HPSE2: variants seen among roughly 807,000 people sequenced by gnomAD.
HPSE2 encodes heparanase 2 (inactive).
A neutral mutation model predicts 60.5 loss-of-function variants in HPSE2; 38 were observed. The ratio of observed to expected loss-of-function variants is 0.63; its 90% CI spans 0.48 to 0.82. The LOEUF is 0.82. Ranked by LOEUF, HPSE2 falls within the 40% of genes least tolerant of loss-of-function variation. HPSE2 has a pLI of 0.00. For missense variants in HPSE2, 713 were observed against 740.4 expected, an observed-to-expected ratio of 0.96 and a Z score of 0.43; for synonymous variants, 295 against 293.2, an observed-to-expected ratio of 1.01 and a Z score of -0.06.
intron 1 of HPSE2, 40 bp from the exon 2 acceptor site, chr10:99,232,545 C>G: frequency 6.5e-7 from 1 of 1,548,382 alleles, no homozygotes; most frequent in Non-Finnish European, 8.7e-7. Context: ...GTTCCCAGGA[C>G]AGGACGAGAG....
chr10:98,827,160 ATT>A (rs11308403), intron 3 of HPSE2, among the ~76,000 whole-genome samples: 65 of 150,194 alleles, frequency 4.3e-4, no homozygotes, highest in African/African-American at 1.5e-3. Context: ...CTAAAAAAAA[ATT>A]TTTTTTTAAA....
At chr10:98,563,813 T>C (rs1944261297) in intron 9 of HPSE2, among the ~76,000 whole-genome samples, 1 of 152,150 alleles carries the variant, frequency 6.6e-6, no homozygotes, top group Non-Finnish European at 1.5e-5. Context: ...GTCTGCTTGT[T>C]TGGCTTAGTG....
chr10:99,135,112 G>C (rs1845594279), intron 3 of HPSE2, among the ~76,000 whole-genome samples: 1 of 152,106 alleles, frequency 6.6e-6, no homozygotes, highest in African/African-American at 2.4e-5. Context: ...GATCAAAAGA[G>C]ACAAGGAAGA....
At chr10:98,651,180 T>C (rs1273649637) in intron 6 of HPSE2, among the ~76,000 whole-genome samples, 16 of 152,192 alleles carry the variant, frequency 1.1e-4, no homozygotes, top group Admixed American at 1.0e-3. Flanking sequence ...AATTGTCACT[T>C]CTCTGTTTAA....
At chr10:98,588,218 T>C (rs759389265) in intron 9 of HPSE2, among the ~76,000 whole-genome samples, 11 of 152,214 alleles carry the variant, frequency 7.2e-5, no homozygotes, top group Non-Finnish European at 1.5e-4. Flanking sequence ...AATATTTCAC[T>C]AGAAGCCTTA....
At chr10:99,234,112 G>C (rs943654584) in intron 1 of HPSE2, among the ~76,000 whole-genome samples, 3 of 152,220 alleles carry the variant, frequency 2.0e-5, no homozygotes, top group Non-Finnish European at 4.4e-5. Context: ...GCTCATAGAC[G>C]CGCTCTGCTG....
chr10:99,066,710 A>T (rs1209264093), intron 3 of HPSE2, among the ~76,000 whole-genome samples: 14 of 152,192 alleles, frequency 9.2e-5, no homozygotes. Context: ...ACACACGGGG[A>T]TTATCACAAT....
At chr10:98,749,859 G>T in intron 3 of HPSE2, among the ~76,000 whole-genome samples, 1 of 147,194 alleles carries the variant, frequency 6.8e-6, no homozygotes, top group Non-Finnish European at 1.5e-5. Context: ...TGAGTTTATT[G>T]GGACATAACC....
chr10:98,470,280 T>G (rs973284406), intron 11 of HPSE2, among the ~76,000 whole-genome samples: 6 of 152,356 alleles, frequency 3.9e-5, no homozygotes, highest in African/African-American at 1.4e-4. Context: ...AAAAAAGATG[T>G]CTCAGGTGGT....
chr10:98,531,916 T>C (rs1489387385), intron 9 of HPSE2, among the ~76,000 whole-genome samples: 2 of 152,250 alleles, frequency 1.3e-5, no homozygotes, highest in East Asian at 3.8e-4. Context: ...CATAGGGTTG[T>C]TGTGAGAATT....
At chr10:99,232,573 A>T in intron 1 of HPSE2, 68 bp from the exon 2 acceptor site, 3 of 1,508,872 alleles carry the variant, frequency 2.0e-6, no homozygotes, top group Non-Finnish European at 2.7e-6. Context: ...GGCACGGAGA[A>T]GGGCCCTCTT....
chr10:99,295,384 T>C, the HPSE2 span, among the ~76,000 whole-genome samples: 1 of 152,198 alleles, frequency 6.6e-6, no homozygotes, highest in Non-Finnish European at 1.5e-5. Context: ...AATAGACTAC[T>C]AAATAACCAC....
At chr10:99,280,958 T>C in the HPSE2 span, among the ~76,000 whole-genome samples, 2 of 152,160 alleles carry the variant, frequency 1.3e-5, no homozygotes, top group African/African-American at 4.8e-5. Context: ...TGCTACATAC[T>C]AAATGTGTGA....
At chr10:98,946,063 A>AT (rs1228707065) in intron 3 of HPSE2, among the ~76,000 whole-genome samples, 2 of 152,192 alleles carry the variant, frequency 1.3e-5, no homozygotes, top group African/African-American at 4.8e-5. Flanking sequence ...TATCAAAAAA[A>AT]TAAGGAAAAG....
At chr10:98,904,302 A>C (rs1029445810) in intron 3 of HPSE2, among the ~76,000 whole-genome samples, 1 of 152,132 alleles carries the variant, frequency 6.6e-6, no homozygotes, top group Non-Finnish European at 1.5e-5. Flanking sequence ...TTGAAATGTA[A>C]TGAAGAAGAT....
intron 9 of HPSE2, among the ~76,000 whole-genome samples, chr10:98,537,681 T>C (rs985499220): frequency 2.0e-5 from 3 of 152,178 alleles, no homozygotes; most frequent in African/African-American, 7.2e-5. Context: ...GTAACGCCAG[T>C]GTCTGGGAAG....
intron 3 of HPSE2, among the ~76,000 whole-genome samples, chr10:98,754,413 A>C (rs549997081): frequency 4.9e-4 from 74 of 152,172 alleles, no homozygotes; most frequent in African/African-American, 1.6e-3. Flanking sequence ...GAGAGAGAGC[A>C]CAAGCAACTT....
In HPSE2 at chr10:98,928,731, C is replaced by T. The variant is rs1161872035; in HGVS notation, c.611-184675G>A. Reference sequence around the variant, plus strand: ...GAAATCATCATTCTCAGTAAACTATCGCAAGAACAAAAAACCAAACACCGC... The same window carrying T: ...GAAATCATCATTCTCAGTAAACTATTGCAAGAACAAAAAACCAAACACCGC... On this transcript the variant is annotated intron_variant, in intron 3 of 11. Coordinates refer to ENST00000370552, the MANE Select transcript of HPSE2 (RefSeq NM_021828.5). Among the ~76,000 whole-genome samples, 18 of 135,132 alleles carry T rather than the reference C, an allele frequency of 1.3e-4. 1 individual carries two copies. The highest frequency in any genetic ancestry group is 2.0e-4 in the Non-Finnish European group (13 of 65,328). 88.7% of individuals were successfully genotyped at this position (135,132 alleles called of 152,430 possible). A position where few individuals can be genotyped will look rare whatever the true frequency, so the allele number is the denominator to read the frequency against.
the HPSE2 span, among the ~76,000 whole-genome samples, chr10:99,282,132 G>A: frequency 6.6e-6 from 1 of 152,172 alleles, no homozygotes; most frequent in South Asian, 2.1e-4. Context: ...GGTGGCAGAT[G>A]CCTGTAGTCC....
Sources: allele counts gnomAD v4.1 joint callset (sites outside exome capture counted in the v4.1 genomes callset), GRCh38; gene constraint gnomAD v4.1.1; transcripts MANE v1.5; gene names NCBI Gene and HGNC (gene_info 2026-07-23, HGNC 2026-07-21).